DLG2: variants seen among roughly 807,000 people sequenced by gnomAD.
DLG2 encodes discs large MAGUK scaffold protein 2, also known as disks large homolog 2.
DLG2 carries 45 observed loss-of-function variants against 132.5 expected under a neutral mutation model. That is an observed-to-expected ratio of 0.34 (90% CI 0.27 to 0.44). The LOEUF (loss-of-function observed/expected upper bound fraction) is 0.44. Ranked by LOEUF, DLG2 falls within the 20% of genes least tolerant of loss-of-function variation. The pLI is 1.00. For missense variants in DLG2, 1,045 were observed against 1,196.9 expected (o/e 0.87, Z 1.87); for synonymous variants, 424 against 419.6 (o/e 1.01, Z -0.13).
intron 7 of DLG2, among the ~76,000 whole-genome samples, chr11:84,409,541 G>GT (rs780455767): frequency 3.8e-4 from 58 of 152,172 alleles, no homozygotes; most frequent in Non-Finnish European, 7.6e-4. Flanking sequence ...CTTTCTACAT[G>GT]TACCACACTT....
At chr11:83,732,979 C>T (rs921554970) in intron 18 of DLG2, among the ~76,000 whole-genome samples, 14 of 152,264 alleles carry the variant, frequency 9.2e-5, no homozygotes, top group Admixed American at 5.9e-4. Flanking sequence ...CGACGGCTCA[C>T]GCCTGTAATC....
chr11:84,525,377 A>G (rs1186223278), intron 7 of DLG2, among the ~76,000 whole-genome samples: 1 of 152,100 alleles, frequency 6.6e-6, no homozygotes, highest in Non-Finnish European at 1.5e-5. Context: ...TCATTTCATG[A>G]TACATCCTCT....
chr11:83,664,312 G>A (rs115221291), intron 18 of DLG2, among the ~76,000 whole-genome samples: 14 of 152,196 alleles, frequency 9.2e-5, no homozygotes, highest in Admixed American at 8.5e-4. Flanking sequence ...TTATGTAGTT[G>A]CAAGGAATTA....
At chr11:84,416,287 C>T (rs1463065338) in intron 7 of DLG2, among the ~76,000 whole-genome samples, 2 of 152,090 alleles carry the variant, frequency 1.3e-5, no homozygotes, top group Non-Finnish European at 2.9e-5. Context: ...TTTCCCCAAC[C>T]AAAAAGAAAC....
intron 5 of DLG2, among the ~76,000 whole-genome samples, chr11:85,131,421 G>A (rs921358842): frequency 6.6e-5 from 10 of 152,020 alleles, no homozygotes; most frequent in Non-Finnish European, 1.2e-4. Flanking sequence ...TAACACAAGG[G>A]TAACACCTCA....
intron 4 of DLG2, among the ~76,000 whole-genome samples, chr11:85,245,070 AATTC>A (rs958712534): frequency 6.6e-6 from 1 of 151,934 alleles, no homozygotes. Context: ...TAAATTAATA[AATTC>A]ATTCATTCAT....
chr11:85,269,307 C>T (rs1349704649), intron 4 of DLG2, among the ~76,000 whole-genome samples: 1 of 152,178 alleles, frequency 6.6e-6, no homozygotes, highest in Non-Finnish European at 1.5e-5. Flanking sequence ...TTTGGTTGGC[C>T]TGCTCAGGTC....
intron 3 of DLG2, among the ~76,000 whole-genome samples, chr11:85,355,840 G>C (rs891503409): frequency 6.6e-6 from 1 of 152,054 alleles, no homozygotes; most frequent in East Asian, 1.9e-4. Flanking sequence ...TCTCCAAGTC[G>C]AATCACCCTT....
chr11:84,426,218 G>A (rs1480805444), intron 7 of DLG2, among the ~76,000 whole-genome samples: 1 of 152,086 alleles, frequency 6.6e-6, no homozygotes, highest in African/African-American at 2.4e-5. Flanking sequence ...GGCGCATGAA[G>A]CCAATGAGGC....
At chr11:84,922,280 T>C (rs528740379) in intron 6 of DLG2, among the ~76,000 whole-genome samples, 141 of 152,250 alleles carry the variant, frequency 9.3e-4, no homozygotes, top group Middle Eastern at 3.4e-3. Flanking sequence ...CTCCAAGAAA[T>C]GTAAGCTTAA....
chr11:85,369,359 C>A (rs1383680774), intron 3 of DLG2, among the ~76,000 whole-genome samples: 1 of 152,178 alleles, frequency 6.6e-6, no homozygotes, highest in African/African-American at 2.4e-5. Context: ...TTAAGCTTTT[C>A]TCCTGGTGGA....
rs1419506614 is a variant in DLG2 at position 84,449,039 on chromosome 11, T to C, written c.519+85531A>G. 2.0e-5 allele frequency among the ~76,000 whole-genome samples: 3 copies of C among 151,448 alleles called. No homozygotes were observed. In the East Asian group the frequency reaches 5.8e-4, roughly 29 times the overall value. On this transcript the variant is annotated intron_variant, in intron 7 of 27. Coordinates refer to ENST00000376104, the MANE Select transcript of DLG2 (RefSeq NM_001142699.3). ...TATTTGCATTTTTACCTTATACTCA[T>C]CTTCATACCATAAGAGACAAGTCAT...
At chr11:85,057,822 C>G (rs1346543353) in intron 6 of DLG2, among the ~76,000 whole-genome samples, 1 of 151,298 alleles carries the variant, frequency 6.6e-6, no homozygotes, top group Non-Finnish European at 1.5e-5. Flanking sequence ...ACACAATTCA[C>G]CACATTAAGA....
intron 18 of DLG2, among the ~76,000 whole-genome samples, chr11:83,781,480 A>T (rs552992465): frequency 6.6e-6 from 1 of 152,302 alleles, no homozygotes; most frequent in South Asian, 2.1e-4. Context: ...GTCTCCAGGC[A>T]ATTATCAACT....
intron 3 of DLG2, among the ~76,000 whole-genome samples, chr11:85,495,708 T>C (rs970092268): frequency 5.9e-5 from 9 of 152,196 alleles, no homozygotes; most frequent in African/African-American, 2.2e-4. Context: ...TTAACCATTG[T>C]GGAAGACAAT....
At chr11:85,456,082 T>C (rs2092412447) in intron 3 of DLG2, among the ~76,000 whole-genome samples, 1 of 152,228 alleles carries the variant, frequency 6.6e-6, no homozygotes, top group Non-Finnish European at 1.5e-5. Context: ...CTAGTTGAAT[T>C]CAACTGTGAA....
intron 7 of DLG2, among the ~76,000 whole-genome samples, chr11:84,363,583 C>A (rs1212373817): frequency 6.6e-6 from 1 of 151,568 alleles, no homozygotes; most frequent in East Asian, 1.9e-4. Context: ...GAAGTCCTTG[C>A]CCATGCCTAT....
chr11:84,818,847 C>A (rs1242677298), intron 6 of DLG2, among the ~76,000 whole-genome samples: 1 of 151,896 alleles, frequency 6.6e-6, no homozygotes, highest in Non-Finnish European at 1.5e-5. Context: ...TCTTCAGCCT[C>A]TAAATTCAGA....
chr11:84,589,203 G>C (rs2099537069), intron 6 of DLG2, among the ~76,000 whole-genome samples: 1 of 152,156 alleles, frequency 6.6e-6, no homozygotes, highest in South Asian at 2.1e-4. Flanking sequence ...GCAGGAGCTT[G>C]AGATGAAAAT....
Sources: allele counts gnomAD v4.1 joint callset (sites outside exome capture counted in the v4.1 genomes callset), GRCh38; gene constraint gnomAD v4.1.1; transcripts MANE v1.5; gene names NCBI Gene and HGNC (gene_info 2026-07-23, HGNC 2026-07-21).